CDH4: variants seen among roughly 807,000 people sequenced by gnomAD.
CDH4 encodes cadherin-4.
Under a neutral mutation model 86.0 loss-of-function variants are expected in CDH4, and 33 were observed. That is an observed-to-expected ratio of 0.38 (90% CI 0.29 to 0.51). The LOEUF is 0.51. Ranked by LOEUF, CDH4 falls within the 20% of genes least tolerant of loss-of-function variation. CDH4 has a pLI of 0.86. For synonymous variants in CDH4, 555 were observed against 549.4 expected (o/e 1.01, Z -0.14); for missense variants, 1,114 against 1,307.4 (o/e 0.85, Z 2.28).
At chr20:61,620,633 A>G (rs570852913) in intron 2 of CDH4, among the ~76,000 whole-genome samples, 16 of 152,366 alleles carry the variant, frequency 1.1e-4, no homozygotes, top group African/African-American at 3.6e-4. Flanking sequence ...CTACTTACCA[A>G]CATGCTCCAT....
At chr20:61,343,087 G>C (rs1337240095) in intron 2 of CDH4, among the ~76,000 whole-genome samples, 1 of 152,192 alleles carries the variant, frequency 6.6e-6, no homozygotes, top group Non-Finnish European at 1.5e-5. Flanking sequence ...GAGTTCTTAG[G>C]CTCTGGATGC....
At chr20:61,674,492 C>T (rs2087425551) in intron 2 of CDH4, among the ~76,000 whole-genome samples, 1 of 152,150 alleles carries the variant, frequency 6.6e-6, no homozygotes, top group South Asian at 2.1e-4. Flanking sequence ...GCCGGCTGCT[C>T]AAGAGACCCT....
intron 2 of CDH4, among the ~76,000 whole-genome samples, chr20:61,371,480 C>G (rs939934559): frequency 1.3e-5 from 2 of 152,230 alleles, no homozygotes; most frequent in Non-Finnish European, 2.9e-5. Flanking sequence ...TCAGTGCCAT[C>G]GGGAAAAGCC....
chr20:61,528,971 G>A (rs1269487031), intron 2 of CDH4, among the ~76,000 whole-genome samples: 1 of 152,034 alleles, frequency 6.6e-6, no homozygotes, highest in African/African-American at 2.4e-5. Flanking sequence ...GTTCCCAACA[G>A]AGGCCAAAGC....
chr20:61,500,418 C>T (rs1036013382), intron 2 of CDH4, among the ~76,000 whole-genome samples: 2 of 152,212 alleles, frequency 1.3e-5, no homozygotes, highest in African/African-American at 2.4e-5. Context: ...TTCCACATCA[C>T]GGGCGTGGAG....
intron 2 of CDH4, among the ~76,000 whole-genome samples, chr20:61,706,672 A>G (rs6061322): frequency 0.32 from 48,984 of 151,932 alleles, 8,544 homozygotes; most frequent in Non-Finnish European, 0.36. Context: ...ACACAGTGGC[A>G]CCGACTCCCT....
In CDH4 at chr20:61,614,589, C is replaced by T. The variant is rs935031124; in HGVS notation, c.170-128974C>T. On this transcript the variant is annotated intron_variant, in intron 2 of 15. Transcript: ENST00000614565. ...CCCTTATCTGTGGAGTCTGCGCTGA[C>T]GTGGGCAATTAGTGTCAGAATTGAA... 3.2e-4 allele frequency among the ~76,000 whole-genome samples: 48 copies of T among 152,124 alleles called. 2 individuals are homozygous for T. The highest frequency in any genetic ancestry group is 1.0e-3 in the African/African-American group (42 of 41,430).
intron 2 of CDH4, among the ~76,000 whole-genome samples, chr20:61,711,740 G>A (rs1179455361): frequency 2.0e-5 from 3 of 152,206 alleles, no homozygotes; most frequent in Non-Finnish European, 4.4e-5. Flanking sequence ...TGCCCTGGGG[G>A]AAGTGAACCA....
intron 2 of CDH4, among the ~76,000 whole-genome samples, chr20:61,678,211 A>G (rs1185951861): frequency 6.6e-6 from 1 of 152,118 alleles, no homozygotes; most frequent in Non-Finnish European, 1.5e-5. Flanking sequence ...GCATCCACAC[A>G]TACACAGATG....
chr20:61,827,127 C>T (rs957568344), intron 4 of CDH4, among the ~76,000 whole-genome samples: 3 of 151,798 alleles, frequency 2.0e-5, no homozygotes, highest in African/African-American at 4.8e-5. Flanking sequence ...GAATAGACCT[C>T]GGTGGATTTG....
chr20:61,379,917 C>G (rs6061237), intron 2 of CDH4, among the ~76,000 whole-genome samples: 37,716 of 152,138 alleles, frequency 0.25, 5,043 homozygotes, highest in African/African-American at 0.34. Context: ...GAAAATATCA[C>G]ACTATCACTG....
chr20:61,830,042 C>T (rs545709513), intron 4 of CDH4, among the ~76,000 whole-genome samples: 65 of 151,882 alleles, frequency 4.3e-4, no homozygotes, highest in African/African-American at 1.5e-3. Context: ...AATTTTTTTT[C>T]TGTCCCCCAC....
At chr20:61,911,830 G>A (rs2054854747) in intron 9 of CDH4, among the ~76,000 whole-genome samples, 1 of 152,310 alleles carries the variant, frequency 6.6e-6, no homozygotes, top group South Asian at 2.1e-4. Flanking sequence ...GATAGGATAT[G>A]CCAAAGCGTA....
chr20:61,470,932 G>A (rs1430790607), intron 2 of CDH4, among the ~76,000 whole-genome samples: 1 of 152,054 alleles, frequency 6.6e-6, no homozygotes, highest in African/African-American at 2.4e-5. Flanking sequence ...GTTGAAATTG[G>A]TTTGCTAGTA....
chr20:61,712,543 C>T (rs991722672), intron 2 of CDH4, among the ~76,000 whole-genome samples: 11 of 152,134 alleles, frequency 7.2e-5, no homozygotes, highest in Admixed American at 4.6e-4. Flanking sequence ...CTTCTTCCCT[C>T]CCCAACCTCT....
intron 2 of CDH4, among the ~76,000 whole-genome samples, chr20:61,428,227 A>G (rs6089297): frequency 0.028 from 4,337 of 152,250 alleles, 95 homozygotes; most frequent in Non-Finnish European, 0.044. Flanking sequence ...CGACAGAAAC[A>G]TGCAGCACCT....
chr20:61,801,772 C>T (rs1181772851), intron 4 of CDH4, among the ~76,000 whole-genome samples: 1 of 152,238 alleles, frequency 6.6e-6, no homozygotes, highest in Non-Finnish European at 1.5e-5. Context: ...TTTCTTTCCA[C>T]ATCACCTTCT....
intron 8 of CDH4, among the ~76,000 whole-genome samples, chr20:61,904,008 G>A (rs990657159): frequency 6.6e-6 from 1 of 152,206 alleles, no homozygotes; most frequent in Non-Finnish European, 1.5e-5. Flanking sequence ...TGCAAATGTG[G>A]CTTCTCTTGG....
At chr20:61,898,693 G>A (rs4925309) in intron 8 of CDH4, among the ~76,000 whole-genome samples, 6,318 of 152,278 alleles carry the variant, frequency 0.041, 619 homozygotes, top group East Asian at 0.39. Context: ...AGCCAAGGCC[G>A]GAGAGCTGGA....
Sources: allele counts gnomAD v4.1 joint callset (sites outside exome capture counted in the v4.1 genomes callset), GRCh38; gene constraint gnomAD v4.1.1; transcripts MANE v1.5; gene names NCBI Gene and HGNC (gene_info 2026-07-23, HGNC 2026-07-21).